ZFHX3: variants seen among roughly 807,000 people sequenced by gnomAD.
The protein encoded by ZFHX3 is zinc finger homeobox protein 3.
In ZFHX3, 42 loss-of-function variants were observed where a neutral mutation model predicts 279.1. The ratio of observed to expected loss-of-function variants is 0.15; its 90% confidence interval spans 0.12 to 0.19. The LOEUF is 0.19. ZFHX3 is among the 10% of genes least tolerant of loss of function. The pLI is 1.00. For synonymous variants in ZFHX3, 2,293 were observed against 1,957.8 expected (o/e 1.17, Z -4.52); for missense variants, 4,981 against 4,754.0 (o/e 1.05, Z -1.40).
At chr16:73,685,386 T>TA (rs1423349479) in intron 1 of ZFHX3, among the ~76,000 whole-genome samples, 1 of 152,148 alleles carries the variant, frequency 6.6e-6, no homozygotes, top group Non-Finnish European at 1.5e-5. Context: ...ATGATGAAGA[T>TA]AGACAGGTTA....
chr16:73,249,710 T>G (rs1477490558), intron 5 of ZFHX3, among the ~76,000 whole-genome samples: 1 of 152,076 alleles, frequency 6.6e-6, no homozygotes, highest in Non-Finnish European at 1.5e-5. Flanking sequence ...GGTTTTAAAA[T>G]TTCATTAGTG....
chr16:73,542,547 A>G (rs117297705), intron 2 of ZFHX3, among the ~76,000 whole-genome samples: 2,210 of 152,246 alleles, frequency 0.015, 26 homozygotes, highest in Non-Finnish European at 0.02. Flanking sequence ...AGACTCTAAA[A>G]TACTGAATAA....
chr16:72,989,970 C>T (rs1963015641), intron 1 of ZFHX3, among the ~76,000 whole-genome samples: 1 of 152,200 alleles, frequency 6.6e-6, no homozygotes, highest in Non-Finnish European at 1.5e-5. Context: ...AGTCAGGAGG[C>T]CCAGACCTTT....
chr16:73,627,285 A>G (rs1343461164), intron 2 of ZFHX3, among the ~76,000 whole-genome samples: 3 of 152,302 alleles, frequency 2.0e-5, no homozygotes, highest in African/African-American at 7.2e-5. Context: ...ATAAAATTGA[A>G]GAGGTTGGCA....
At chr16:73,645,017 AAC>A (rs2052605864) in intron 2 of ZFHX3, among the ~76,000 whole-genome samples, 1 of 152,200 alleles carries the variant, frequency 6.6e-6, no homozygotes, top group Non-Finnish European at 1.5e-5. Flanking sequence ...GGCATGACTG[AAC>A]ACAGTTTAGG....
chr16:73,231,559 T>C (rs572224442), intron 5 of ZFHX3, among the ~76,000 whole-genome samples: 1 of 152,342 alleles, frequency 6.6e-6, no homozygotes, highest in South Asian at 2.1e-4. Context: ...TTCATTGTCC[T>C]GCATACCTTT....
At chr16:73,579,010 A>T (rs1341955592) in intron 2 of ZFHX3, among the ~76,000 whole-genome samples, 1 of 152,210 alleles carries the variant, frequency 6.6e-6, no homozygotes, top group African/African-American at 2.4e-5. Flanking sequence ...TCCCATTTGG[A>T]ATTACTGATG....
chr16:73,584,759 A>C (rs753489872), intron 2 of ZFHX3, among the ~76,000 whole-genome samples: 5 of 152,330 alleles, frequency 3.3e-5, no homozygotes, highest in Admixed American at 2.0e-4. Context: ...TAAACTAGAG[A>C]GCTTCTGTAC....
chr16:73,353,946 C>A lies in ZFHX3; in HGVS notation c.-1290-35610G>T, dbSNP rs558015435. Among the ~76,000 whole-genome samples, 12 of 152,264 alleles carry A rather than the reference C, an allele frequency of 7.9e-5. No homozygotes were observed. In the East Asian group the frequency reaches 2.3e-3, roughly 29 times the overall value. On this transcript the variant is annotated intron_variant, in intron 3 of 17. Transcript: ENST00000641206. Reference sequence around the variant, plus strand: ...TGCATTGTATGAAGCACTTCACATTCAGTTATTTAATATTCATAATGAAGC... The same window carrying A: ...TGCATTGTATGAAGCACTTCACATTAAGTTATTTAATATTCATAATGAAGC...
At chr16:73,037,154 C>T (rs1964938908) in intron 1 of ZFHX3, among the ~76,000 whole-genome samples, 1 of 152,182 alleles carries the variant, frequency 6.6e-6, no homozygotes, top group African/African-American at 2.4e-5. Context: ...TCCAAACTAG[C>T]TCAAGAACAT....
rs372789404 is a variant in ZFHX3 at position 72,968,726 on chromosome 16, G to A, written c.-49-8532C>T. Among the ~76,000 whole-genome samples the A allele has an allele frequency of 2.0e-5, 3 of 152,268 alleles. No individual in the cohort carries two copies. In the East Asian group the frequency reaches 5.8e-4, roughly 29 times the overall value. On this transcript the variant is annotated intron_variant, in intron 1 of 9. Transcript: ENST00000268489. ...GATCCGCCCACCTCAGCCTGTCAAA[G>A]TGCTGAGATTACAGGCATGAGCCAC...
At chr16:73,408,834 G>T (rs2017413259) in intron 3 of ZFHX3, among the ~76,000 whole-genome samples, 1 of 152,048 alleles carries the variant, frequency 6.6e-6, no homozygotes, top group East Asian at 1.9e-4. Flanking sequence ...CCATGGGAGA[G>T]GACCACAAGC....
chr16:73,111,933 A>G (rs950808903), intron 7 of ZFHX3, among the ~76,000 whole-genome samples: 3 of 152,174 alleles, frequency 2.0e-5, no homozygotes, highest in African/African-American at 7.2e-5. Context: ...CCTGGATTCA[A>G]ACTTAGTCCT....
chr16:73,591,692 CAAAAAAAAA>C (rs57402211), intron 2 of ZFHX3, among the ~76,000 whole-genome samples: 3 of 33,440 alleles, frequency 9.0e-5, no homozygotes, highest in East Asian at 1.3e-3. Flanking sequence ...GACTCTGTCT[CAAAAAAAAA>C]AAAAAAAAAA....
intron 1 of ZFHX3, among the ~76,000 whole-genome samples, chr16:73,788,218 C>T (rs749209772): frequency 6.6e-6 from 1 of 152,154 alleles, no homozygotes; most frequent in Non-Finnish European, 1.5e-5. Context: ...TAAAATACCA[C>T]GACCTCACTC....
intron 5 of ZFHX3, among the ~76,000 whole-genome samples, chr16:73,245,818 T>C (rs2013264015): frequency 6.6e-6 from 1 of 152,074 alleles, no homozygotes; most frequent in Non-Finnish European, 1.5e-5. Context: ...CTCTTAGTAA[T>C]TGAAGAAGTG....
chr16:72,928,811 G>C (rs1383730140), intron 3 of ZFHX3, among the ~76,000 whole-genome samples: 2 of 152,154 alleles, frequency 1.3e-5, no homozygotes, highest in African/African-American at 4.8e-5. Flanking sequence ...AAAATAAAAA[G>C]TTTAGCTGGG....
At chr16:73,410,995 CA>C (rs1168306093) in intron 3 of ZFHX3, among the ~76,000 whole-genome samples, 1 of 152,192 alleles carries the variant, frequency 6.6e-6, no homozygotes, top group Non-Finnish European at 1.5e-5. Context: ...ACCGACATAG[CA>C]CAGAGCTCTG....
chr16:73,444,976 A>C lies in ZFHX3; in HGVS notation c.-1291+11027T>G, dbSNP rs867211884. Among the ~76,000 whole-genome samples, 72 of 150,978 alleles carry C rather than the reference A, an allele frequency of 4.8e-4. 1 individual carries two copies. Among genetic ancestry groups the C allele is most frequent in the South Asian group, 6.3e-4 (3 of 4,788 alleles). ...ATACTAAAAAAAAAAAAAAAAAAAA[A>C]AAAAACAAATTAGCCAGGTGTGGTG... is the stretch of plus-strand genomic sequence containing the variant. On this transcript the variant is annotated intron_variant, in intron 3 of 17. Transcript: ENST00000641206.
Sources: allele counts gnomAD v4.1 joint callset (sites outside exome capture counted in the v4.1 genomes callset), GRCh38; gene constraint gnomAD v4.1.1; transcripts MANE v1.5; gene names NCBI Gene and HGNC (gene_info 2026-07-23, HGNC 2026-07-21).